ACTG2: variants seen among roughly 807,000 people sequenced by gnomAD.
The protein encoded by ACTG2 is actin, gamma-enteric smooth muscle.
ACTG2 carries 16 observed loss-of-function variants against 37.6 expected under a neutral mutation model. The ratio of observed to expected loss-of-function variants is 0.43; its 90% CI spans 0.29 to 0.65. The LOEUF (loss-of-function observed/expected upper bound fraction) is 0.65, where lower values mean the gene tolerates loss of function less well. ACTG2 is among the 30% of genes least tolerant of loss of function. The pLI, the probability that ACTG2 is intolerant of heterozygous loss-of-function variation, is 0.18. For synonymous variants in ACTG2, 181 were observed against 179.9 expected (o/e 1.01, Z -0.05); for missense variants, 238 against 490.9 (o/e 0.48, Z 4.87).
chr2:73,896,972 G>A (rs1679759940), intron 1 of ACTG2: 1 of 152,334 alleles, frequency 6.6e-6, no homozygotes, highest in Non-Finnish European at 1.5e-5. Flanking sequence ...TCTCCTGGCA[G>A]AGATGGTCCA....
At chr2:73,902,768 G>C (rs1721244) in intron 3 of ACTG2, 1 of 1,548,772 alleles carries the variant, frequency 6.5e-7, no homozygotes, top group African/African-American at 1.4e-5. Context: ...CTAAACACAG[G>C]TCAGCTCATG....
At chr2:73,902,018 CGTGT>C (rs71245662) in intron 2 of ACTG2, among the ~76,000 whole-genome samples, 23 of 146,340 alleles carry the variant, frequency 1.6e-4, no homozygotes, top group South Asian at 2.2e-4. Flanking sequence ...GCATACAAGT[CGTGT>C]GTGTGTGTGT....
At chr2:73,901,486 C>T (rs751926642) in intron 2 of ACTG2, 49 bp downstream of exon 2, 14 of 1,573,066 alleles carry the variant, frequency 8.9e-6, no homozygotes, top group South Asian at 1.1e-5. Context: ...TAGGAGTAAG[C>T]GCTGCACTGT....
chr2:73,914,250 C>T (rs1048550243), intron 6 of ACTG2, among the ~76,000 whole-genome samples: 7 of 152,020 alleles, frequency 4.6e-5, no homozygotes, highest in Non-Finnish European at 1.0e-4. Context: ...CTATCATCAT[C>T]CTATGACTGA....
intron 5 of ACTG2, among the ~76,000 whole-genome samples, chr2:73,913,249 G>T (rs1680182026): frequency 6.6e-6 from 1 of 151,456 alleles, no homozygotes; most frequent in Admixed American, 6.6e-5. Flanking sequence ...GTGTTTCAAG[G>T]AATACAAAAA....
At chr2:73,895,194 G>A (rs1037380630) in intron 1 of ACTG2, among the ~76,000 whole-genome samples, 14 of 152,044 alleles carry the variant, frequency 9.2e-5, no homozygotes, top group African/African-American at 3.4e-4. Flanking sequence ...GGGTGCCAGG[G>A]GGGTTTTGGT....
At position 73,919,628 on chromosome 2, in the gene ACTG2, T is replaced by C; in HGVS notation, c.*53T>C. ...CTCGAGACTACTCTGTTACCAGTCA[T>C]GAAACATTAAAACCTACAAGCCTTA... On this transcript the variant is annotated 3_prime_UTR_variant, in exon 9 of 9. Coordinates refer to ENST00000345517, the MANE Select transcript of ACTG2 (RefSeq NM_001615.4). 6.3e-7 allele frequency: 1 copy of C among 1,582,212 alleles called. No homozygotes were observed.
chr2:73,919,605 C>T lies in ACTG2; in HGVS notation c.*30C>T, dbSNP rs533254220. On this transcript the variant is annotated 3_prime_UTR_variant, in exon 9 of 9. Transcript: ENST00000345517. ...AGAACAGGTTCTCCAAGGATCCCCTCGAGACTACTCTGTTACCAGTCATGA... is the reference window on the plus strand; with the variant it reads ...AGAACAGGTTCTCCAAGGATCCCCTTGAGACTACTCTGTTACCAGTCATGA... The T allele has an allele frequency of 5.0e-6, 8 of 1,606,734 alleles. No individual in the cohort carries two copies. The highest frequency in any genetic ancestry group is 1.1e-5 in the South Asian group (1 of 90,240).
intron 3 of ACTG2, among the ~76,000 whole-genome samples, chr2:73,904,661 T>A (rs6745367): frequency 0.21 from 8,062 of 37,518 alleles, 696 homozygotes; most frequent in African/African-American, 0.4. Flanking sequence ...CTATATATAT[T>A]TTTTTTTAAA....
At position 73,919,737 on chromosome 2, in the gene ACTG2, C is replaced by T; in HGVS notation, c.*162C>T. On this transcript the variant is annotated 3_prime_UTR_variant, in exon 9 of 9. Coordinates refer to ENST00000345517, the MANE Select transcript of ACTG2 (RefSeq NM_001615.4). Reference sequence around the variant, plus strand: ...TTTCACACATTACTTTTAATCCATGCAATAGTGCTGTAAGGTAGGTGCTAT... The same window carrying T: ...TTTCACACATTACTTTTAATCCATGTAATAGTGCTGTAAGGTAGGTGCTAT... 1.4e-6 allele frequency: 1 copy of T among 738,258 alleles called. No homozygotes were observed. Among genetic ancestry groups the T allele is most frequent in the South Asian group, 2.3e-5 (1 of 43,620 alleles). The allele number at this position is 738,258 out of a possible 1,614,324, so 45.7% of individuals were successfully genotyped here. A position where few individuals can be genotyped will look rare whatever the true frequency, so the allele number is the denominator to read the frequency against.
chr2:73,905,684 T>G (rs892724561), intron 3 of ACTG2, among the ~76,000 whole-genome samples: 20 of 152,182 alleles, frequency 1.3e-4, no homozygotes, highest in African/African-American at 4.8e-4. Context: ...GAAGTAAAGA[T>G]TGGTTTAGCC....
Position 73,902,360 on chromosome 2 carries a change from G to T in ACTG2, c.127G>T (p.Gly43Cys). Residue 43 changes from glycine to cysteine, a missense_variant and splice_region_variant, in exon 3 of 9, where the codon GGT becomes TGT. Coordinates refer to ENST00000345517, the MANE Select transcript of ACTG2 (RefSeq NM_001615.4). Reference sequence around the variant, plus strand: ...CTCTTTTCTTCTTTTTGCATTGCAGGGTGTGATGGTGGGAATGGGCCAGAA... The same window carrying T: ...CTCTTTTCTTCTTTTTGCATTGCAGTGTGTGATGGTGGGAATGGGCCAGAA... ...PSIVGRPRHQ[G>C]VMVGMGQKDS... is the part of the protein sequence containing the mutation. 1 of 1,613,816 alleles carries T rather than the reference G, an allele frequency of 6.2e-7. No individual in the cohort carries two copies. Among genetic ancestry groups the T allele is most frequent in the Non-Finnish European group, 8.5e-7 (1 of 1,179,926 alleles).
intron 3 of ACTG2, chr2:73,908,448 A>T: frequency 1.6e-6 from 1 of 628,690 alleles, no homozygotes; most frequent in Non-Finnish European, 3.0e-6. Flanking sequence ...AATAATGAAC[A>T]CATAGAAAAT....
chr2:73,893,845 G>A (rs1025357270), intron 1 of ACTG2, among the ~76,000 whole-genome samples: 6 of 152,118 alleles, frequency 3.9e-5, no homozygotes, highest in African/African-American at 7.2e-5. Flanking sequence ...AGAATTAAGA[G>A]GAAGATGAGA....
chr2:73,903,943 AAAAAAAAAAAAAAAAAC>A (rs1336343646), intron 3 of ACTG2, among the ~76,000 whole-genome samples: 1 of 92,130 alleles, frequency 1.1e-5, no homozygotes, highest in Non-Finnish European at 2.2e-5. Flanking sequence ...CCGTCTCAAA[AAAAAAAAAAAAAAAAAC>A]AAAAAAAAAA....
At chr2:73,910,632 G>C (rs1680112441) in intron 5 of ACTG2, among the ~76,000 whole-genome samples, 1 of 150,372 alleles carries the variant, frequency 6.7e-6, no homozygotes, top group Admixed American at 6.7e-5. Flanking sequence ...CCAAGTAGCT[G>C]GGACTACAGG....
chr2:73,914,991 A>C, intron 7 of ACTG2, 120 bp downstream of exon 7: 12 of 863,196 alleles, frequency 1.4e-5, no homozygotes, highest in Non-Finnish European at 1.9e-5. Context: ...CACGTACCTC[A>C]CATTTTCCTA....
At chr2:73,902,709 G>A in intron 3 of ACTG2, 1 of 1,551,214 alleles carries the variant, frequency 6.4e-7, no homozygotes. Flanking sequence ...TTGGTCTCTT[G>A]CCCTCATTCA....
In ACTG2 at chr2:73,904,452, A is replaced by G. The variant is rs1373337764; in HGVS notation, c.255+1964A>G. ...TTTGGGAGGCTGAGGCAGGTGGATC[A>G]CTTGAGTCCAGCCTGGCCAACCAAC... On this transcript the variant is annotated intron_variant, in intron 3 of 8. Coordinates refer to ENST00000345517, the MANE Select transcript of ACTG2 (RefSeq NM_001615.4). Among the ~76,000 whole-genome samples, 5 of 151,608 alleles carry G rather than the reference A, an allele frequency of 3.3e-5. No homozygotes were observed. In the South Asian group the frequency reaches 1.0e-3, roughly 32 times the overall value.
Sources: gnomAD v4.1 joint callset for allele counts (sites outside exome capture counted in the v4.1 genomes callset) on GRCh38, gnomAD v4.1.1 for gene constraint, MANE v1.5 for transcripts, NCBI Gene and HGNC (gene_info 2026-07-23, HGNC 2026-07-21) for gene names.